Variants in SLC19A1 observed in about 807,000 individuals in gnomAD.
The protein encoded by SLC19A1 is solute carrier family 19 member 1.
SLC19A1 carries 37 observed loss-of-function variants against 35.3 expected under a neutral mutation model. That is an observed-to-expected ratio of 1.05 (90% CI 0.81 to 1.38). SLC19A1 has a LOEUF of 1.38. Ranked by LOEUF, SLC19A1 falls within the 40% of genes most tolerant of loss-of-function variation. The pLI is 0.00. For synonymous variants in SLC19A1, 460 were observed against 398.5 expected, an observed-to-expected ratio of 1.15 and a Z score of -1.84; for missense variants, 831 against 826.9, an observed-to-expected ratio of 1.00 and a Z score of -0.06.
At chr21:45,509,831 G>GT (rs1324648911), downstream of SLC19A1, among the ~76,000 whole-genome samples, 1 of 152,188 alleles carries the variant, frequency 6.6e-6, no homozygotes, top group Admixed American at 6.5e-5. Flanking sequence ...AGGAACCGGC[G>GT]TACCTCCGCC....
chr21:45,541,881 G>A (rs1262115678), intron 1 of SLC19A1: 1 of 152,262 alleles, frequency 6.6e-6, no homozygotes. Flanking sequence ...GCCCCAGGAT[G>A]ACGCGGAGGG....
In SLC19A1 at chr21:45,530,775, G is replaced by A. The variant is rs563622167; in HGVS notation, c.1146C>T (p.Ile382=). The A allele has an allele frequency of 2.6e-6, 4 of 1,558,886 alleles. No homozygotes were observed. The highest frequency in any genetic ancestry group is 2.7e-5 in the African/African-American group (2 of 73,674). ...FRGSYQFLVP[I]ATFQIASSLS... Reference sequence around the variant, plus strand: ...CCCACCCTTCTGGAACTCACGTGGCGATGGGCACGAGGAACTGGTAGGAGC... The same window carrying A: ...CCCACCCTTCTGGAACTCACGTGGCAATGGGCACGAGGAACTGGTAGGAGC... The change falls in exon 4 of 6, where the codon ATC becomes ATT. Residue 382 remains isoleucine, a synonymous_variant. Transcript: ENST00000311124. This position sits in a 1 kb window ranked among gnomAD's most constrained non-coding sequence, Gnocchi z 5.3.
chr21:45,534,607 C>T lies in SLC19A1; in HGVS notation c.190-2459G>A. 2 of 1,535,646 alleles carry T rather than the reference C, an allele frequency of 1.3e-6. No homozygotes were observed. Among genetic ancestry groups the T allele is most frequent in the South Asian group, 2.4e-5 (2 of 84,070 alleles). ...CTGGCTCTGCAGGCTGGGGCCTCAT[C>T]AGGCACCTCCTGGTCTTAGTTGAGG... is the stretch of plus-strand genomic sequence containing the variant. On this transcript the variant is annotated intron_variant, in intron 2 of 5. Transcript: ENST00000311124. This position sits in a 1 kb window ranked among gnomAD's most constrained non-coding sequence, Gnocchi z 4.2.
At position 45,513,824 on chromosome 21, in the gene SLC19A1, G is replaced by A. The variant is rs1156480100; in HGVS notation, c.*1834C>T. 4 of 152,240 alleles carry A rather than the reference G, an allele frequency of 2.6e-5. No homozygotes were observed. The highest frequency in any genetic ancestry group is 5.9e-5 in the Non-Finnish European group (4 of 68,040). 9.4% of individuals were successfully genotyped at this position (152,240 alleles called of 1,614,324 possible). On this transcript the variant is annotated 3_prime_UTR_variant, in exon 6 of 6. Transcript: ENST00000311124. ...CTGGACTGCCCCACTGGCAGATCCC[G>A]AGTGTGCACAGGCACGCACGGTTAC...
At position 45,534,635 on chromosome 21, in the gene SLC19A1, C is replaced by T. The variant is rs1451551330; in HGVS notation, c.190-2487G>A. Reference sequence around the variant, plus strand: ...GCACCTCCTGGTCTTAGTTGAGGGTCTGAGCGCAGAGCTCCCCCTTGGCAG... The same window carrying T: ...GCACCTCCTGGTCTTAGTTGAGGGTTTGAGCGCAGAGCTCCCCCTTGGCAG... On this transcript the variant is annotated intron_variant, in intron 2 of 5. Coordinates refer to ENST00000311124, the MANE Select transcript of SLC19A1 (RefSeq NM_194255.4). This position sits in a 1 kb window ranked among gnomAD's most constrained non-coding sequence, Gnocchi z 4.2. 6.5e-6 allele frequency: 10 copies of T among 1,533,950 alleles called. No homozygotes were observed. The highest frequency in any genetic ancestry group is 1.2e-5 in the South Asian group (1 of 84,004).
chr21:45,506,978 A>AT, intron 3 of SLC19A1: 2 of 275,752 alleles, frequency 7.3e-6, no homozygotes, highest in South Asian at 3.5e-5. Flanking sequence ...GCTTGTAGGC[A>AT]CCCGGATGCA....
intron 5 of SLC19A1, among the ~76,000 whole-genome samples, chr21:45,520,319 T>TA (rs2077399326): frequency 6.6e-6 from 1 of 151,772 alleles, no homozygotes; most frequent in Non-Finnish European, 1.5e-5. Context: ...AAGGAATTAA[T>TA]AAAGTTCCAG....
chr21:45,515,831 C>T lies in SLC19A1; in HGVS notation c.1603G>A (p.Glu535Lys). 1 of 1,606,310 alleles carries T rather than the reference C, an allele frequency of 6.2e-7. No homozygotes were observed. Among genetic ancestry groups the T allele is most frequent in the Non-Finnish European group, 8.5e-7 (1 of 1,175,206 alleles). The change falls in exon 6 of 6, where the codon GAA (glutamate) becomes AAA (lysine). Residue 535 changes from glutamate to lysine, a missense_variant. Transcript: ENST00000311124. ...GGGGTTGTCACTGGGCTCAGGAATT[C>T]AGCTGCCTGCGGGGCCGGGGCCTGG... ...LAQAPAPQAA[E>K]FLSPVTTPSP... is the part of the protein sequence containing the mutation.
rs570353266 is a variant in SLC19A1 at position 45,533,334 on chromosome 21, G to A, written c.190-1186C>T. 1.5e-4 allele frequency among the ~76,000 whole-genome samples: 23 copies of A among 152,302 alleles called. No individual in the cohort carries two copies. Among genetic ancestry groups the A allele is most frequent in the Middle Eastern group, 3.4e-3 (1 of 294 alleles). On this transcript the variant is annotated intron_variant, in intron 2 of 5. Transcript: ENST00000311124. The surrounding 1 kb of genome is among the most constrained non-coding windows in gnomAD (Gnocchi z 4.5). The stretch of plus-strand genomic sequence containing the variant: ...TACCTCCTACAGGACAAGGTCAGAG[G>A]ACACTGCCCCAGACTACTACAGGCA...
chr21:45,505,755 C>A, intron 3 of SLC19A1: 1 of 1,137,358 alleles, frequency 8.8e-7, no homozygotes, highest in Non-Finnish European at 1.3e-6. Context: ...CTGCCCAGCA[C>A]CCTGAAACGG....
chr21:45,531,827 C>A lies in SLC19A1; in HGVS notation c.511G>T (p.Gly171Cys). 6.3e-7 allele frequency: 1 copy of A among 1,588,434 alleles called. No homozygotes were observed. Among genetic ancestry groups the A allele is most frequent in the East Asian group, 2.3e-5 (1 of 42,834 alleles). The change falls in exon 3 of 6, where the codon GGC becomes TGC. Residue 171 changes from glycine (G) to cysteine (C), a missense_variant. Physicochemically the swap from Gly to Cys is radical, Grantham distance 159. Transcript: ENST00000311124. ...LLGVFTSSVL[G>C]QLLVTVGRVS... The stretch of plus-strand genomic sequence containing the variant: ...CGGCCCACAGTGACCAGCAGCTGGC[C>A]CAGCACGGAGCTGGTGAACACGCCC...
At position 45,517,232 on chromosome 21, in the gene SLC19A1, G is replaced by A. The variant is rs148158198; in HGVS notation, c.1294-1092C>T. Among the ~76,000 whole-genome samples the A allele has an allele frequency of 7.9e-5, 12 of 152,272 alleles. No individual in the cohort carries two copies. The highest frequency in any genetic ancestry group is 2.4e-4 in the African/African-American group (10 of 41,540). ...AACAGATGCAGAAAAAAGAGCCCAT[G>A]GAAGCAGCTCTCTCTGGCCTAAGAC... On this transcript the variant is annotated intron_variant, in intron 5 of 5. Transcript: ENST00000311124. This position sits in a 1 kb window ranked among gnomAD's most constrained non-coding sequence, Gnocchi z 4.4.
chr21:45,509,322 C>A, downstream of SLC19A1: 1 of 1,538,650 alleles, frequency 6.5e-7, no homozygotes, highest in Non-Finnish European at 8.7e-7. Flanking sequence ...CGGAGGGTCC[C>A]CCCGCCGACA....
rs962199989 is a variant in SLC19A1, at chr21:45,561,054, C to T, written c.-50+1688G>A. Among the ~76,000 whole-genome samples the T allele has an allele frequency of 1.1e-4, 16 of 152,332 alleles. 1 individual carries two copies. The South Asian group carries it at 3.3e-3, about 32-fold the overall frequency. ...GAAAGAACGAGAATAAACGACCAAG[C>T]CTAATCCACTTTCCCTGCCTTGCGA... is the stretch of plus-strand genomic sequence containing the variant. On this transcript the variant is annotated intron_variant, in intron 1 of 5. Coordinates refer to the SLC19A1 transcript ENST00000650808.
chr21:45,533,300 T>TG lies in SLC19A1; in HGVS notation c.190-1153dup, dbSNP rs2077997511. 6.6e-6 allele frequency among the ~76,000 whole-genome samples: 1 copy of TG among 152,170 alleles called. No homozygotes were observed. The highest frequency in any genetic ancestry group is 2.4e-5 in the African/African-American group (1 of 41,442). ...GGGAACGTGGAGCTGGGCACGGGGC[T>TG]GGGGGTGCTACCTCCTACAGGACAA... is the stretch of plus-strand genomic sequence containing the variant. On this transcript the variant is annotated intron_variant, in intron 2 of 5. Coordinates refer to ENST00000311124, the MANE Select transcript of SLC19A1 (RefSeq NM_194255.4). The surrounding 1 kb of genome is among the most constrained non-coding windows in gnomAD (Gnocchi z 4.5).
Position 45,515,159 on chromosome 21 carries a change from C to G in SLC19A1, c.*499G>C. On this transcript the variant is annotated 3_prime_UTR_variant, in exon 6 of 6. Coordinates refer to ENST00000311124, the MANE Select transcript of SLC19A1 (RefSeq NM_194255.4). ...CCACATGCAGTTCTTCATTCTACGTCAGTTAAAAAAAAAAAAAGCATCTTT... is the reference window on the plus strand; with the variant it reads ...CCACATGCAGTTCTTCATTCTACGTGAGTTAAAAAAAAAAAAAGCATCTTT... 3.4e-6 allele frequency: 5 copies of G among 1,478,794 alleles called. No individual in the cohort carries two copies. Among genetic ancestry groups the G allele is most frequent in the Non-Finnish European group, 4.4e-6 (5 of 1,125,822 alleles). 91.6% of individuals were successfully genotyped at this position (1,478,794 alleles called of 1,614,324 possible).
At chr21:45,523,145 G>A (rs1355614776) in intron 5 of SLC19A1, among the ~76,000 whole-genome samples, 4 of 151,982 alleles carry the variant, frequency 2.6e-5, no homozygotes, top group Non-Finnish European at 4.4e-5. Context: ...CTCTACCCCC[G>A]ACCAAGCCTG....
chr21:45,541,217 T>C (rs78804951), intron 1 of SLC19A1, among the ~76,000 whole-genome samples: 5 of 152,186 alleles, frequency 3.3e-5, no homozygotes, highest in East Asian at 3.9e-4. Flanking sequence ...CAAAGCCCCT[T>C]CGGAAAGAAA....
intron 1 of SLC19A1, among the ~76,000 whole-genome samples, chr21:45,552,463 C>T (rs1012254238): frequency 5.9e-5 from 9 of 152,104 alleles, no homozygotes; most frequent in South Asian, 4.1e-4. Flanking sequence ...CTGGGGAGAG[C>T]GACACCCACC....
Sources: gnomAD v4.1 joint callset for allele counts (sites outside exome capture counted in the v4.1 genomes callset) on GRCh38, gnomAD v4.1.1 for gene constraint, Gnocchi (gnomAD v3.1) non-coding constraint, MANE v1.5 for transcripts, NCBI Gene and HGNC (gene_info 2026-07-23, HGNC 2026-07-21) for gene names.